The following PCDHA4 variants were observed in gnomAD, a reference collection of about 807,000 sequenced individuals.
The protein encoded by PCDHA4 is protocadherin alpha-4.
A neutral mutation model predicts 61.4 loss-of-function variants in PCDHA4; 49 were observed. The ratio of observed to expected loss-of-function variants is 0.80; its 90% CI spans 0.63 to 1.01. The LOEUF is 1.01. Ranked by LOEUF, PCDHA4 falls within the 50% of genes least tolerant of loss-of-function variation. PCDHA4 has a pLI of 0.00. For synonymous variants in PCDHA4, 590 were observed against 550.3 expected (o/e 1.07, Z -1.01); for missense variants, 1,254 against 1,235.8 (o/e 1.01, Z -0.22).
chr5:140,948,461 A>G (rs2094256529), intron 1 of PCDHA4, among the ~76,000 whole-genome samples: 1 of 151,516 alleles, frequency 6.6e-6, no homozygotes, highest in Admixed American at 6.6e-5. Flanking sequence ...TCTTTTAGGG[A>G]AAGTTTCTGA....
At chr5:140,945,178 C>T (rs2093753648) in intron 1 of PCDHA4, among the ~76,000 whole-genome samples, 2 of 151,902 alleles carry the variant, frequency 1.3e-5, no homozygotes, top group Admixed American at 1.3e-4. Flanking sequence ...AAAAATAAAT[C>T]AAGAAAACCA....
chr5:140,989,925 T>G (rs2097366658), intron 3 of PCDHA4, among the ~76,000 whole-genome samples: 1 of 151,810 alleles, frequency 6.6e-6, no homozygotes, highest in South Asian at 2.1e-4. Context: ...AGAGCAGAGA[T>G]AGATGACATT....
chr5:140,831,775 T>C (rs1771697165), intron 1 of PCDHA4, among the ~76,000 whole-genome samples: 1 of 152,168 alleles, frequency 6.6e-6, no homozygotes, highest in South Asian at 2.1e-4. Context: ...TGTGGATGGA[T>C]TGTTTCACCT....
At chr5:140,862,584 G>A (rs2047434517) in intron 1 of PCDHA4, 1 of 495,742 alleles carries the variant, frequency 2.0e-6, no homozygotes, top group South Asian at 1.6e-5. Context: ...CGTTCCAGCA[G>A]CCCGAGTACA....
intron 1 of PCDHA4, chr5:140,824,124 C>G (rs2150132311): frequency 3.7e-5 from 59 of 1,613,132 alleles, no homozygotes; most frequent in Non-Finnish European, 4.8e-5. Flanking sequence ...CCTCTACAGA[C>G]AACGTGAGTT....
At chr5:140,835,493 A>G in intron 1 of PCDHA4, 1 of 1,613,914 alleles carries the variant, frequency 6.2e-7, no homozygotes, top group Admixed American at 1.7e-5. Context: ...CCGTCATCAC[A>G]TTGATTAGCG....
chr5:140,823,963 G>A (rs1554129675), intron 1 of PCDHA4: 3 of 1,614,110 alleles, frequency 1.9e-6, no homozygotes, highest in South Asian at 2.2e-5. Context: ...CACCGAGGCC[G>A]TGTGCACACG....
At chr5:141,005,311 A>C (rs2098206135) in intron 3 of PCDHA4, among the ~76,000 whole-genome samples, 6 of 152,310 alleles carry the variant, frequency 3.9e-5, no homozygotes, top group Middle Eastern at 6.8e-3. Flanking sequence ...TGAATCTTAC[A>C]GTGGTAGAGA....
rs1554146072 is a variant in PCDHA4 at position 140,852,730 on chromosome 5, T to G, written c.2385+43158T>G. On this transcript the variant is annotated intron_variant, in intron 1 of 3. Coordinates refer to ENST00000530339, the MANE Select transcript of PCDHA4 (RefSeq NM_018907.4). ...TTTGTCTTTGCACGTTTTTCAAGTT[T>G]CATGTGCCATTTAAACTTGGACCCA... 29 of 983,856 alleles carry G rather than the reference T, an allele frequency of 2.9e-5. 3 individuals carry two copies. The highest frequency in any genetic ancestry group is 3.6e-5 in the Non-Finnish European group (29 of 816,252). The allele number at this position is 983,856 out of a possible 1,614,324, so 60.9% of individuals were successfully genotyped here.
intron 1 of PCDHA4, among the ~76,000 whole-genome samples, chr5:140,878,731 A>T (rs1037542413): frequency 1.3e-5 from 2 of 152,252 alleles, no homozygotes; most frequent in Admixed American, 6.5e-5. Context: ...TTCCAGCCTT[A>T]TATCTACTTT....
chr5:140,899,551 GC>G (rs1220661801), intron 1 of PCDHA4, among the ~76,000 whole-genome samples: 12 of 152,288 alleles, frequency 7.9e-5, no homozygotes, highest in Middle Eastern at 6.8e-3. Context: ...TGGTGGATAA[GC>G]TTTTTGATGT....
intron 1 of PCDHA4, chr5:140,852,695 T>G: frequency 1.0e-6 from 1 of 976,386 alleles, no homozygotes; most frequent in Non-Finnish European, 1.2e-6. Context: ...GTCTTATACT[T>G]TCAAGTATCT....
chr5:140,970,748 A>G (rs2096429835), intron 1 of PCDHA4, among the ~76,000 whole-genome samples: 1 of 152,130 alleles, frequency 6.6e-6, no homozygotes, highest in African/African-American at 2.4e-5. Context: ...TTTGCAATAT[A>G]TTTTCATTGA....
intron 1 of PCDHA4, among the ~76,000 whole-genome samples, chr5:140,878,400 A>G (rs1190004888): frequency 6.6e-6 from 1 of 152,218 alleles, no homozygotes; most frequent in Non-Finnish European, 1.5e-5. Flanking sequence ...TGCTCACAAA[A>G]TATCTTCTTT....
chr5:140,836,619 G>A (rs1272044084), intron 1 of PCDHA4: 3 of 1,613,602 alleles, frequency 1.9e-6, no homozygotes, highest in Non-Finnish European at 2.5e-6. Context: ...CAGCGCGGTG[G>A]GGAGCTGGTC....
intron 1 of PCDHA4, among the ~76,000 whole-genome samples, chr5:140,945,682 G>GT (rs1325077083): frequency 6.6e-6 from 1 of 152,010 alleles, no homozygotes; most frequent in African/African-American, 2.4e-5. Context: ...AATCCACACA[G>GT]TTACTGTCCA....
At chr5:140,875,438 T>C (rs1554167643) in intron 1 of PCDHA4, 1 of 1,568,134 alleles carries the variant, frequency 6.4e-7, no homozygotes, top group Non-Finnish European at 8.6e-7. Flanking sequence ...CCCTTAAAAC[T>C]GATTGTCCCA....
Position 140,893,829 on chromosome 5 carries a change from A to G in PCDHA4, c.2385+84257A>G, listed in dbSNP as rs528174798. On this transcript the variant is annotated intron_variant, in intron 1 of 3. Transcript: ENST00000530339. ...TTGAGTCTGGTACCGTAGACTACTC[A>G]GCCATCCTGATGCCCTACCTCTTGT... Among the ~76,000 whole-genome samples the G allele has an allele frequency of 2.0e-5, 3 of 152,296 alleles. No homozygotes were observed. The South Asian group carries it at 6.2e-4, about 32-fold the overall frequency.
chr5:140,946,142 CAAAT>C (rs1214309556), intron 1 of PCDHA4, among the ~76,000 whole-genome samples: 1 of 151,910 alleles, frequency 6.6e-6, no homozygotes, highest in Non-Finnish European at 1.5e-5. Context: ...AGTAAGAAAA[CAAAT>C]AACACGATTT....
Sources: gnomAD v4.1 joint callset for allele counts (sites outside exome capture counted in the v4.1 genomes callset) on GRCh38, gnomAD v4.1.1 for gene constraint, MANE v1.5 for transcripts, NCBI Gene and HGNC (gene_info 2026-07-23, HGNC 2026-07-21) for gene names.